Variants in ANKRD11 observed in about 807,000 individuals in gnomAD.
ANKRD11 encodes the protein ankyrin repeat domain 11.
ANKRD11 carries 17 observed loss-of-function variants against 195.7 expected under a neutral mutation model. The observed-to-expected ratio is 0.09, with a 90% CI of 0.06 to 0.13. The LOEUF (loss-of-function observed/expected upper bound fraction) is 0.13. Ranked by LOEUF, ANKRD11 falls within the 10% of genes least tolerant of loss-of-function variation. ANKRD11 has a pLI of 1.00. For synonymous variants in ANKRD11, 1,953 were observed against 1,528.1 expected (o/e 1.28, Z -6.49); for missense variants, 3,735 against 3,566.1 (o/e 1.05, Z -1.21).
intron 1 of ANKRD11, among the ~76,000 whole-genome samples, chr16:89,483,149 C>A (rs1326053871): frequency 6.6e-6 from 1 of 152,190 alleles, no homozygotes; most frequent in East Asian, 1.9e-4. Context: ...CTTCACTCAT[C>A]CCCCTGAACC....
At position 89,473,431 on chromosome 16, in the gene ANKRD11, C is replaced by G. The variant is rs996510911; in HGVS notation, c.-145+16814G>C. On this transcript the variant is annotated intron_variant, in intron 1 of 12. Transcript: ENST00000301030. ...TGACCACATCCATCATCTCATCTCACCTCATCCTCACCATAAGCCTGAGAG... is the reference window on the plus strand; with the variant it reads ...TGACCACATCCATCATCTCATCTCAGCTCATCCTCACCATAAGCCTGAGAG... Among the ~76,000 whole-genome samples, 4 of 152,322 alleles carry G rather than the reference C, an allele frequency of 2.6e-5. No individual in the cohort carries two copies. The Middle Eastern group carries it at 0.01, about 391-fold the overall frequency.
chr16:89,480,316 A>G (rs959480849), intron 1 of ANKRD11, among the ~76,000 whole-genome samples: 2 of 150,874 alleles, frequency 1.3e-5, no homozygotes, highest in African/African-American at 4.9e-5. Flanking sequence ...CTCTATTAAA[A>G]ATACAAAAAA....
chr16:89,349,907 CACACAT>C (rs61253089), intron 2 of ANKRD11, among the ~76,000 whole-genome samples: 14,603 of 123,446 alleles, frequency 0.12, 772 homozygotes, highest in Middle Eastern at 0.17. Flanking sequence ...CACACACACA[CACACAT>C]ATTCAAACAA....
At chr16:89,324,604 C>A (rs1295676301) in intron 2 of ANKRD11, 3 of 437,050 alleles carry the variant, frequency 6.9e-6, no homozygotes, top group Non-Finnish European at 4.6e-6. Flanking sequence ...GCTGCCAGCA[C>A]GGCAGATCTG....
chr16:89,370,544 G>C (rs942077354), intron 2 of ANKRD11: 1 of 152,402 alleles, frequency 6.6e-6, no homozygotes, highest in Admixed American at 6.5e-5. Flanking sequence ...ACCTCCTGCT[G>C]ATGGAAACAG....
intron 2 of ANKRD11, among the ~76,000 whole-genome samples, chr16:89,338,926 T>A (rs1844363146): frequency 6.6e-6 from 1 of 152,020 alleles, no homozygotes; most frequent in Non-Finnish European, 1.5e-5. Flanking sequence ...CAGATATAAA[T>A]GCGTAATTTA....
intron 4 of ANKRD11, among the ~76,000 whole-genome samples, chr16:89,296,875 G>C: frequency 6.6e-6 from 1 of 152,104 alleles, no homozygotes; most frequent in East Asian, 1.9e-4. Flanking sequence ...CCCACCAGAG[G>C]GCAGGAATGG....
intron 2 of ANKRD11, among the ~76,000 whole-genome samples, chr16:89,364,675 A>C (rs567016825): frequency 1.3e-5 from 2 of 152,164 alleles, no homozygotes; most frequent in Non-Finnish European, 2.9e-5. Context: ...AAAAAATCTC[A>C]TAACGTTTAC....
At position 89,464,460 on chromosome 16, in the gene ANKRD11, T is replaced by C. The variant is rs532139789; in HGVS notation, c.-145+25785A>G. ...CATCTCTACTAAAAATACAAAAAAT[T>C]AGCTGGGCGTGGGGTCAGACACCTG... is the stretch of plus-strand genomic sequence containing the variant. On this transcript the variant is annotated intron_variant, in intron 1 of 12. Transcript: ENST00000301030. Among the ~76,000 whole-genome samples, 120 of 150,206 alleles carry C rather than the reference T, an allele frequency of 8.0e-4. 1 individual carries two copies. The highest frequency in any genetic ancestry group is 2.8e-3 in the African/African-American group (116 of 40,830).
At chr16:89,471,403 C>T (rs1391391216) in intron 1 of ANKRD11, among the ~76,000 whole-genome samples, 2 of 152,094 alleles carry the variant, frequency 1.3e-5, no homozygotes, top group Non-Finnish European at 2.9e-5. Flanking sequence ...TACCCTGCAG[C>T]CCTGAAGGAG....
intron 1 of ANKRD11, among the ~76,000 whole-genome samples, chr16:89,438,536 TG>T (rs1216167129): frequency 5.9e-5 from 9 of 152,100 alleles, no homozygotes; most frequent in African/African-American, 2.2e-4. Flanking sequence ...TTCACTAGGT[TG>T]GGCCAGGCTG....
chr16:89,354,636 C>A (rs1185213755), intron 2 of ANKRD11, among the ~76,000 whole-genome samples: 2 of 152,190 alleles, frequency 1.3e-5, no homozygotes, highest in East Asian at 3.8e-4. Context: ...AATCCCAGCA[C>A]TTTGGGAGGC....
rs188910838 is a variant in ANKRD11, at chr16:89,436,233, G to A, written c.-144-17865C>T. On this transcript the variant is annotated intron_variant, in intron 1 of 12. Transcript: ENST00000301030. ...AGTTCGAGACCAGCCTGGCCAACTCGGTGAAACCTATCTGTACTAACAATA... is the reference window on the plus strand; with the variant it reads ...AGTTCGAGACCAGCCTGGCCAACTCAGTGAAACCTATCTGTACTAACAATA... Among the ~76,000 whole-genome samples, 236 of 152,164 alleles carry A rather than the reference G, an allele frequency of 1.6e-3. 2 individuals carry two copies. Among genetic ancestry groups the A allele is most frequent in the African/African-American group, 5.4e-3 (226 of 41,508 alleles).
At chr16:89,399,886 T>A (rs2041621555) in intron 2 of ANKRD11, among the ~76,000 whole-genome samples, 1 of 152,132 alleles carries the variant, frequency 6.6e-6, no homozygotes, top group Non-Finnish European at 1.5e-5. Flanking sequence ...CAGCACAGAA[T>A]CGGCTCCCAG....
intron 1 of ANKRD11, among the ~76,000 whole-genome samples, chr16:89,476,376 A>G (rs2057258353): frequency 6.6e-6 from 1 of 152,176 alleles, no homozygotes; most frequent in Admixed American, 6.5e-5. Context: ...AACGTGTCCT[A>G]TTATCCTCAG....
At chr16:89,454,626 G>A (rs1250127888) in intron 1 of ANKRD11, among the ~76,000 whole-genome samples, 2 of 150,744 alleles carry the variant, frequency 1.3e-5, no homozygotes, top group African/African-American at 2.4e-5. Context: ...TGCTTCCAGG[G>A]TTCCTCAAGC....
intron 2 of ANKRD11, among the ~76,000 whole-genome samples, chr16:89,389,950 AGAG>A (rs1050807982): frequency 1.3e-5 from 1 of 79,898 alleles, no homozygotes; most frequent in African/African-American, 5.6e-5. Flanking sequence ...GAGCACCGAG[AGAG>A]AAGATCACTG....
At chr16:89,337,529 C>T (rs370673321) in intron 2 of ANKRD11, among the ~76,000 whole-genome samples, 16 of 149,064 alleles carry the variant, frequency 1.1e-4, no homozygotes, top group African/African-American at 4.0e-4. Context: ...CTCCGCCTCC[C>T]GGGTTCACGC....
At chr16:89,458,693 CA>C (rs901289438) in intron 1 of ANKRD11, among the ~76,000 whole-genome samples, 1 of 152,196 alleles carries the variant, frequency 6.6e-6, no homozygotes, top group African/African-American at 2.4e-5. Context: ...CTGTTTCATT[CA>C]ACAGCATCTC....
Sources: gnomAD v4.1 joint callset for allele counts (sites outside exome capture counted in the v4.1 genomes callset) on GRCh38, gnomAD v4.1.1 for gene constraint, MANE v1.5 for transcripts, NCBI Gene and HGNC (gene_info 2026-07-23, HGNC 2026-07-21) for gene names.